Variants in WDR64 observed in about 807,000 individuals in gnomAD.
WDR64 encodes the protein WD repeat-containing protein 64.
Under a neutral mutation model 139.3 loss-of-function variants are expected in WDR64, and 112 were observed. The observed-to-expected ratio is 0.80, with a 90% CI of 0.69 to 0.94. The LOEUF is 0.94. Ranked by LOEUF, WDR64 falls within the 40% of genes least tolerant of loss-of-function variation. The pLI is 0.00. For missense variants in WDR64, 1,206 were observed against 1,293.1 expected, an observed-to-expected ratio of 0.93 and a Z score of 1.03; for synonymous variants, 444 against 437.7, an observed-to-expected ratio of 1.01 and a Z score of -0.18.
chr1:241,688,815 A>T (rs1463909961), intron 8 of WDR64, among the ~76,000 whole-genome samples: 1 of 152,152 alleles, frequency 6.6e-6, no homozygotes, highest in Non-Finnish European at 1.5e-5. Flanking sequence ...GTGCCCAGTC[A>T]TAGGGGCCCC....
chr1:241,770,155 T>C (rs1197158248), intron 17 of WDR64, among the ~76,000 whole-genome samples: 1 of 152,114 alleles, frequency 6.6e-6, no homozygotes, highest in Non-Finnish European at 1.5e-5. Context: ...GTTCTGAGAA[T>C]ATTTTGAGGA....
At chr1:241,660,443 C>T in intron 1 of WDR64, 87 bp from the exon 2 acceptor site, 2 of 1,441,780 alleles carry the variant, frequency 1.4e-6, no homozygotes, top group Non-Finnish European at 9.4e-7. Flanking sequence ...AAAGAAAATA[C>T]AAGGTGAGGA....
chr1:241,721,917 C>T lies in WDR64; in HGVS notation c.1055-1380C>T, dbSNP rs75779282. Among the ~76,000 whole-genome samples, 285 of 152,070 alleles carry T rather than the reference C, an allele frequency of 1.9e-3. 8 individuals are homozygous for T. The East Asian group carries it at 0.041, about 22-fold the overall frequency. On this transcript the variant is annotated intron_variant, in intron 9 of 27. Coordinates refer to ENST00000437684, the MANE Select transcript of WDR64 (RefSeq NM_001367482.1). ...AAAATCAGCTCTCAGAATTCACTGG[C>T]GAAAACTCAGTAATCTGACCACGCC...
intron 15 of WDR64, among the ~76,000 whole-genome samples, chr1:241,761,971 C>T (rs1477245603): frequency 2.0e-5 from 3 of 152,198 alleles, no homozygotes; most frequent in Admixed American, 2.0e-4. Context: ...GGGTTAGAAT[C>T]CTCTTCTTCC....
chr1:241,667,472 A>G (rs1441879727), intron 2 of WDR64, among the ~76,000 whole-genome samples: 1 of 152,186 alleles, frequency 6.6e-6, no homozygotes, highest in East Asian at 1.9e-4. Flanking sequence ...TAAGGTACTA[A>G]TCAGTTAACC....
intron 13 of WDR64, among the ~76,000 whole-genome samples, chr1:241,748,889 G>A (rs1020665584): frequency 5.3e-5 from 8 of 150,720 alleles, no homozygotes; most frequent in South Asian, 4.2e-4. Flanking sequence ...GCAGTGAGCC[G>A]AGATCGCCAC....
intron 9 of WDR64, among the ~76,000 whole-genome samples, chr1:241,712,397 C>CA (rs1422325764): frequency 6.6e-6 from 1 of 151,922 alleles, no homozygotes; most frequent in Non-Finnish European, 1.5e-5. Flanking sequence ...TAGAAAATAA[C>CA]AAAAAAGGTT....
intron 9 of WDR64, among the ~76,000 whole-genome samples, chr1:241,712,490 A>G (rs955954282): frequency 6.6e-6 from 1 of 152,044 alleles, no homozygotes; most frequent in East Asian, 1.9e-4. Context: ...TGAGACTCAG[A>G]CTCCTTATTT....
rs116547619 is a variant in WDR64 at position 241,736,950 on chromosome 1, A to C, written c.1195-1413A>C. ...TTCAGAGTGTATATACATACAGCAGAAAGACTGCCCACCATGAACATACCT... is the reference window on the plus strand; with the variant it reads ...TTCAGAGTGTATATACATACAGCAGCAAGACTGCCCACCATGAACATACCT... On this transcript the variant is annotated intron_variant, in intron 10 of 27. Transcript: ENST00000437684. 5.6e-3 allele frequency among the ~76,000 whole-genome samples: 851 copies of C among 152,306 alleles called. 7 individuals carry two copies. Among genetic ancestry groups the C allele is most frequent in the African/African-American group, 0.02 (812 of 41,576 alleles).
chr1:241,700,746 C>A (rs1384699753), intron 8 of WDR64, among the ~76,000 whole-genome samples: 1 of 152,158 alleles, frequency 6.6e-6, no homozygotes, highest in African/African-American at 2.4e-5. Context: ...CACTAACTTT[C>A]TTATCTCACA....
intron 10 of WDR64, among the ~76,000 whole-genome samples, chr1:241,735,873 G>A (rs1378376833): frequency 9.1e-6 from 1 of 110,458 alleles, no homozygotes; most frequent in African/African-American, 3.7e-5. Flanking sequence ...GTGTGTGTGT[G>A]TGTGTGTGTG....
At chr1:241,734,787 C>T (rs1669229980) in intron 10 of WDR64, among the ~76,000 whole-genome samples, 1 of 152,000 alleles carries the variant, frequency 6.6e-6, no homozygotes, top group Non-Finnish European at 1.5e-5. Flanking sequence ...TGCATAACCA[C>T]GTTTCTGTCA....
intron 24 of WDR64, 124 bp downstream of exon 24, chr1:241,788,158 C>T: frequency 1.3e-6 from 1 of 787,298 alleles, no homozygotes; most frequent in Non-Finnish European, 1.9e-6. Context: ...ATTTTGTAAT[C>T]CAGTGGAAGG....
chr1:241,683,722 A>T lies in WDR64; in HGVS notation c.839+21A>T, dbSNP rs1485945538. 6 of 1,456,600 alleles carry T rather than the reference A, an allele frequency of 4.1e-6. No individual in the cohort carries two copies. In the Admixed American group the frequency reaches 1.5e-4, roughly 36 times the overall value. 90.2% of individuals were successfully genotyped at this position (1,456,600 alleles called of 1,614,324 possible). On this transcript the variant is annotated intron_variant, in intron 7 of 27. Transcript: ENST00000437684. ...AAAAGGTAAGAGTATCATACAGTTA[A>T]TTTAATTCTTTTAATAATTATAGTC... is the stretch of plus-strand genomic sequence containing the variant.
At chr1:241,761,155 A>G (rs1487389351) in intron 15 of WDR64, among the ~76,000 whole-genome samples, 2 of 152,228 alleles carry the variant, frequency 1.3e-5, no homozygotes, top group East Asian at 3.8e-4. Context: ...TTTCAAATGT[A>G]GATGAGAAAT....
chr1:241,787,965 A>G lies in WDR64; in HGVS notation c.2822A>G (p.Glu941Gly). Residue 941 changes from glutamate to glycine, a missense_variant, in exon 24 of 28, where the codon GAA (glutamate) becomes GGA (glycine). Glu to Gly is a moderately conservative substitution (Grantham distance 98). Transcript: ENST00000437684. The part of the protein sequence containing the change: ...LPCDVTEYPI[E>G]IKEESKFTEK... ...TGTGATGTTACTGAATATCCCATAG[A>G]AATAAAAGAAGAAAGCAAGTTCACA... The G allele has an allele frequency of 6.2e-7, 1 of 1,609,244 alleles. No homozygotes were observed. Among genetic ancestry groups the G allele is most frequent in the South Asian group, 1.1e-5 (1 of 89,584 alleles).
rs763108715 is a variant in WDR64 at position 241,744,435 on chromosome 1, G to C, written c.1513G>C (p.Glu505Gln). 1 of 1,614,100 alleles carries C rather than the reference G, an allele frequency of 6.2e-7. No individual in the cohort carries two copies. Among genetic ancestry groups the C allele is most frequent in the Non-Finnish European group, 8.5e-7 (1 of 1,179,994 alleles). The part of the protein sequence containing the change: ...ETGLQVYQIL[E>Q]PHGFNTEVTS... Reference sequence around the variant, plus strand: ...TGGGCTCCAAGTATACCAGATTTTAGAACCTCATGGTTTCAATACTGAAGT... The same window carrying C: ...TGGGCTCCAAGTATACCAGATTTTACAACCTCATGGTTTCAATACTGAAGT... Residue 505 changes from glutamate to glutamine, a missense_variant, in exon 13 of 28, where the codon GAA (glutamate) becomes CAA (glutamine). Physicochemically the swap from Glu to Gln is conservative, Grantham distance 29 (BLOSUM62 2). Coordinates refer to ENST00000437684, the MANE Select transcript of WDR64 (RefSeq NM_001367482.1).
At chr1:241,706,833 T>C (rs1300917614) in intron 8 of WDR64, among the ~76,000 whole-genome samples, 1 of 152,232 alleles carries the variant, frequency 6.6e-6, no homozygotes, top group Non-Finnish European at 1.5e-5. Context: ...TAACAAATTT[T>C]ATTTAAATAA....
chr1:241,796,935 T>G (rs1364883248), intron 27 of WDR64, among the ~76,000 whole-genome samples: 2 of 152,194 alleles, frequency 1.3e-5, no homozygotes, highest in Admixed American at 1.3e-4. Context: ...TAGACCTTTA[T>G]GACTGAAATT....
Sources: gnomAD v4.1 joint callset for allele counts (sites outside exome capture counted in the v4.1 genomes callset) on GRCh38, gnomAD v4.1.1 for gene constraint, MANE v1.5 for transcripts, NCBI Gene and HGNC (gene_info 2026-07-23, HGNC 2026-07-21) for gene names.